ACSM3: variants seen among roughly 807,000 people sequenced by gnomAD.
The protein encoded by ACSM3 is acyl-CoA synthetase medium chain family member 3, also known as acyl-coenzyme A synthetase ACSM3, mitochondrial.
Under a neutral mutation model 74.1 loss-of-function variants are expected in ACSM3, and 61 were observed. The ratio of observed to expected loss-of-function variants is 0.82; its 90% CI spans 0.67 to 1.02. The LOEUF is 1.02. ACSM3 is among the 50% of genes least tolerant of loss of function. The pLI is 0.00. For synonymous variants in ACSM3, 213 were observed against 241.5 expected, an observed-to-expected ratio of 0.88 and a Z score of 1.09; for missense variants, 660 against 697.0, an observed-to-expected ratio of 0.95 and a Z score of 0.60.
In ACSM3 at chr16:20,780,267, C is replaced by T. The variant is rs374448089; in HGVS notation, c.639-447C>T. The T allele has an allele frequency of 1.2e-4, 25 of 213,768 alleles. No individual in the cohort carries two copies. In the East Asian group the frequency reaches 2.9e-3, roughly 25 times the overall value. 13.2% of individuals were successfully genotyped at this position (213,768 alleles called of 1,614,324 possible). A position where few individuals can be genotyped will look rare whatever the true frequency, so the allele number is the denominator to read the frequency against. ...TTGCCAGTAGGCTGTAGTGTGTTGG[C>T]CCATCAGTACCCATGGCTTTTACTA... On this transcript the variant is annotated intron_variant, in intron 4 of 13. Coordinates refer to ENST00000289416, the MANE Select transcript of ACSM3 (RefSeq NM_005622.4).
upstream of ACSM3, chr16:20,763,948 T>G (rs1164644422): frequency 1.3e-5 from 2 of 152,234 alleles, no homozygotes; most frequent in Admixed American, 1.3e-4. Flanking sequence ...CCAGAATGTC[T>G]CCACCAATCA....
At position 20,701,674 on chromosome 16, in the gene ACSM3, T is replaced by G. The variant is rs564835836; in HGVS notation, c.-190+26852T>G. Among the ~76,000 whole-genome samples the G allele has an allele frequency of 2.0e-5, 3 of 152,314 alleles. No homozygotes were observed. In the East Asian group the frequency reaches 5.8e-4, roughly 29 times the overall value. On this transcript the variant is annotated intron_variant, in intron 1 of 3. Transcript: ENST00000561584. ...CCCCATGTGCATTAAGTGTTTATCC[T>G]AATGCTCTCCCTCCCTTTCCTCCTC...
intron 1 of ACSM3, among the ~76,000 whole-genome samples, chr16:20,715,297 C>A (rs181361702): frequency 6.6e-6 from 1 of 152,240 alleles, no homozygotes; most frequent in East Asian, 1.9e-4. Context: ...TTTTCTGAAA[C>A]TATTTTCAAA....
intron 1 of ACSM3, among the ~76,000 whole-genome samples, chr16:20,748,115 G>T (rs1173877508): frequency 6.6e-6 from 1 of 151,408 alleles, no homozygotes; most frequent in African/African-American, 2.4e-5. Context: ...CCAGCCTGGG[G>T]GGACAAAATG....
chr16:20,743,115 T>C (rs1481008856), intron 1 of ACSM3, among the ~76,000 whole-genome samples: 2 of 151,952 alleles, frequency 1.3e-5, no homozygotes, highest in Non-Finnish European at 2.9e-5. Context: ...ATATTTTTTA[T>C]TTTTAGTAGA....
chr16:20,706,773 G>A (rs1053156814), intron 1 of ACSM3, among the ~76,000 whole-genome samples: 3 of 152,160 alleles, frequency 2.0e-5, no homozygotes, highest in Non-Finnish European at 4.4e-5. Context: ...GCTCTCAACT[G>A]AGGCCCTGAA....
At chr16:20,767,053 TACCTTTTACAGTTTTTTTGA>T (rs1257391653) in intron 1 of ACSM3, among the ~76,000 whole-genome samples, 1 of 152,122 alleles carries the variant, frequency 6.6e-6, no homozygotes, top group Non-Finnish European at 1.5e-5. Flanking sequence ...TTTCCCTCTG[TACCTTTTACAGTTTTTTTGA>T]GCCATTTGAA....
At chr16:20,786,236 ACTTT>A (rs2152477314) in intron 9 of ACSM3, 78 bp downstream of exon 9, 3 of 1,515,580 alleles carry the variant, frequency 2.0e-6, no homozygotes, top group Non-Finnish European at 2.7e-6. Flanking sequence ...CCCCATATAA[ACTTT>A]CTTTGTTATG....
upstream of ACSM3, among the ~76,000 whole-genome samples, chr16:20,759,578 A>G (rs754594628): frequency 3.5e-5 from 5 of 144,194 alleles, no homozygotes; most frequent in African/African-American, 5.3e-5. Flanking sequence ...AAAAAAAAAA[A>G]GGGCTGGGTT....
intron 1 of ACSM3, among the ~76,000 whole-genome samples, chr16:20,675,651 G>T (rs1369313501): frequency 6.6e-6 from 1 of 152,210 alleles, no homozygotes; most frequent in Non-Finnish European, 1.5e-5. Context: ...GACATACTGT[G>T]AATTAGAATA....
At chr16:20,679,454 A>G (rs961006746) in intron 1 of ACSM3, 8 of 152,220 alleles carry the variant, frequency 5.3e-5, no homozygotes, top group African/African-American at 1.7e-4. Context: ...AGATAAGTAA[A>G]TGTAGATAAA....
At chr16:20,742,217 C>T (rs897564634) in intron 1 of ACSM3, 3 of 380,190 alleles carry the variant, frequency 7.9e-6, no homozygotes, top group Non-Finnish European at 1.4e-5. Context: ...TTCATTCATC[C>T]AGCACTGTTA....
chr16:20,737,358 G>C, intron 1 of ACSM3: 1 of 1,470,986 alleles, frequency 6.8e-7, no homozygotes, highest in Non-Finnish European at 9.1e-7. Flanking sequence ...AAAATCTTTT[G>C]TCTCTGTTTC....
rs772910375 is a variant in ACSM3 at position 20,785,063 on chromosome 16, A to G, written c.1099A>G (p.Lys367Glu). The G allele has an allele frequency of 3.7e-5, 60 of 1,613,636 alleles. 1 individual carries two copies. The Admixed American group carries it at 8.0e-4, about 22-fold the overall frequency. The change falls in exon 8 of 14, where the codon AAG becomes GAG. Residue 367 changes from lysine to glutamate, a missense_variant. Transcript: ENST00000289416. ...TPDVTEKWRN[K>E]TGLDIYEGYG... is the part of the protein sequence containing the mutation. ...TGACGTGACTGAAAAATGGAGAAAC[A>G]AGACGGGCCTGGATATCTACGAAGG...
intron 1 of ACSM3, chr16:20,718,470 C>T: frequency 2.2e-6 from 1 of 455,758 alleles, no homozygotes; most frequent in South Asian, 8.7e-5. Context: ...GCAGCTTCAG[C>T]ATTGGGTTCA....
intron 1 of ACSM3, among the ~76,000 whole-genome samples, chr16:20,690,518 T>C (rs190728191): frequency 6.6e-6 from 1 of 152,336 alleles, no homozygotes; most frequent in Admixed American, 6.5e-5. Context: ...CATGGGAAGA[T>C]GGATGGCCTA....
intron 1 of ACSM3, among the ~76,000 whole-genome samples, chr16:20,711,993 C>G (rs553070174): frequency 2.6e-5 from 4 of 152,078 alleles, no homozygotes; most frequent in Non-Finnish European, 4.4e-5. Flanking sequence ...GCCTTTGCAC[C>G]TGCTGTTTCT....
chr16:20,731,333 C>T (rs998290188), intron 1 of ACSM3, among the ~76,000 whole-genome samples: 6 of 152,188 alleles, frequency 3.9e-5, no homozygotes, highest in African/African-American at 1.2e-4. Context: ...CAAAGACTGC[C>T]TGTGAAATAA....
chr16:20,771,765 C>G (rs1030910595), intron 2 of ACSM3, among the ~76,000 whole-genome samples: 4 of 152,190 alleles, frequency 2.6e-5, no homozygotes, highest in Non-Finnish European at 4.4e-5. Flanking sequence ...GGTGAGACTG[C>G]TAAATCATAT....
Sources: allele counts gnomAD v4.1 joint callset (sites outside exome capture counted in the v4.1 genomes callset), GRCh38; gene constraint gnomAD v4.1.1; transcripts MANE v1.5; gene names NCBI Gene and HGNC (gene_info 2026-07-23, HGNC 2026-07-21).